Variants in DCDC2 observed in about 807,000 individuals in gnomAD.
The protein encoded by DCDC2 is doublecortin domain containing 2, also known as doublecortin domain-containing protein 2.
A neutral mutation model predicts 50.2 loss-of-function variants in DCDC2; 40 were observed. The observed-to-expected ratio is 0.80, with a 90% CI of 0.62 to 1.04. DCDC2 has a LOEUF of 1.04. Ranked by LOEUF, DCDC2 falls within the 50% of genes least tolerant of loss-of-function variation. The pLI is 0.00. For synonymous variants in DCDC2, 234 were observed against 210.6 expected (o/e 1.11, Z -0.96); for missense variants, 570 against 581.9 (o/e 0.98, Z 0.21).
rs371756735 is a variant in DCDC2 at position 24,216,006 on chromosome 6, G to A, written c.923-10904C>T. On this transcript the variant is annotated intron_variant, in intron 7 of 9. Transcript: ENST00000378454. ...CAGTGTTATTCATCAAGACTGGCCA[G>A]ACGACAGAAGGAAGGGGATGGGGGT... Among the ~76,000 whole-genome samples the A allele has an allele frequency of 8.8e-4, 134 of 152,298 alleles. No individual in the cohort carries two copies. The South Asian group carries it at 0.026, about 30-fold the overall frequency.
At chr6:24,296,182 TTCCATCTG>T (rs1431692735) in intron 4 of DCDC2, among the ~76,000 whole-genome samples, 1 of 151,988 alleles carries the variant, frequency 6.6e-6, no homozygotes, top group Non-Finnish European at 1.5e-5. Flanking sequence ...GTACACCTAC[TTCCATCTG>T]TTCTTCGACA....
rs1760817044 is a variant in DCDC2, at chr6:24,172,989, A to AATAATAATAAT, written c.*1740_*1741insATTATTATTAT. ...GACAAGAGCAAGACTTCATCTCAAAAAATAATAATAATAATAATAATAATA... is the reference window on the plus strand; with the variant it reads ...GACAAGAGCAAGACTTCATCTCAAAAATAATAATAATAATAATAATAATAATAATAATAATA... On this transcript the variant is annotated 3_prime_UTR_variant, in exon 10 of 10. Coordinates refer to ENST00000378454, the MANE Select transcript of DCDC2 (RefSeq NM_016356.5). 2.7e-5 allele frequency: 4 copies of AATAATAATAAT among 145,938 alleles called. No individual in the cohort carries two copies. Among genetic ancestry groups the AATAATAATAAT allele is most frequent in the African/African-American group, 5.0e-5 (2 of 39,856 alleles). 9.0% of individuals were successfully genotyped at this position (145,938 alleles called of 1,614,324 possible). A position where few individuals can be genotyped will look rare whatever the true frequency, so the allele number is the denominator to read the frequency against.
chr6:24,292,894 G>A (rs1202579864), intron 4 of DCDC2, among the ~76,000 whole-genome samples: 1 of 152,200 alleles, frequency 6.6e-6, no homozygotes, highest in East Asian at 1.9e-4. Flanking sequence ...ATGGTTTCAG[G>A]CACTGCCAAA....
chr6:24,368,687 G>GAAA, the DCDC2 span, among the ~76,000 whole-genome samples: 1 of 148,594 alleles, frequency 6.7e-6, no homozygotes. Context: ...GGCTCAGACA[G>GAAA]AAAAAAAAAA....
intron 2 of DCDC2, among the ~76,000 whole-genome samples, chr6:24,304,645 T>C (rs1413841490): frequency 6.6e-6 from 1 of 152,222 alleles, no homozygotes; most frequent in Non-Finnish European, 1.5e-5. Flanking sequence ...AAAGATAGTC[T>C]GTACATACAC....
intron 2 of DCDC2, among the ~76,000 whole-genome samples, chr6:24,328,682 C>T (rs951421215): frequency 1.2e-4 from 18 of 152,140 alleles, no homozygotes; most frequent in African/African-American, 4.1e-4. Context: ...ACTGATTTTT[C>T]GAAAACCACC....
At chr6:24,319,287 GTT>G (rs61360886) in intron 2 of DCDC2, among the ~76,000 whole-genome samples, 11,574 of 148,516 alleles carry the variant, frequency 0.078, 694 homozygotes, top group East Asian at 0.34. Context: ...TATTTGTGGG[GTT>G]TTTTTTTTTC....
chr6:24,353,778 TA>T lies in DCDC2; in HGVS notation c.294-156del, dbSNP rs199582728. ...TACTAATGAAAAGCAATTACAATAG[TA>T]AAAACTGTTTGCAGTGTCACCAACC... On this transcript the variant is annotated intron_variant, in intron 1 of 9. Coordinates refer to ENST00000378454, the MANE Select transcript of DCDC2 (RefSeq NM_016356.5). Among the ~76,000 whole-genome samples, 3,853 of 152,260 alleles carry T rather than the reference TA, an allele frequency of 0.025. 127 individuals carry two copies. The highest frequency in any genetic ancestry group is 0.028 in the Non-Finnish European group (1,906 of 68,000).
intron 8 of DCDC2, among the ~76,000 whole-genome samples, chr6:24,180,637 C>A (rs751527024): frequency 2.0e-4 from 31 of 151,896 alleles, no homozygotes; most frequent in Non-Finnish European, 3.8e-4. Flanking sequence ...GTGTTAAGAT[C>A]TCATTATTGC....
At chr6:24,286,059 G>A (rs1763602978) in intron 6 of DCDC2, among the ~76,000 whole-genome samples, 2 of 152,120 alleles carry the variant, frequency 1.3e-5, no homozygotes, top group African/African-American at 4.8e-5. Flanking sequence ...CTCTGATATT[G>A]TTTTCACCTC....
chr6:24,330,463 A>C (rs1561777427), intron 2 of DCDC2, among the ~76,000 whole-genome samples: 1 of 152,166 alleles, frequency 6.6e-6, no homozygotes, highest in Non-Finnish European at 1.5e-5. Context: ...CTTTGCTCTA[A>C]AAAGTCATTT....
intron 2 of DCDC2, among the ~76,000 whole-genome samples, chr6:24,308,573 G>C (rs1759514633): frequency 6.6e-6 from 1 of 152,076 alleles, no homozygotes; most frequent in Admixed American, 6.5e-5. Flanking sequence ...TAGAAAACAT[G>C]ACGACCCGTT....
At position 24,271,490 on chromosome 6, in the gene DCDC2, C is replaced by T. The variant is rs549504392; in HGVS notation, c.922+6559G>A. The stretch of plus-strand genomic sequence containing the variant: ...GAGGATCACGCTAATAGAAGAACCT[C>T]CGCCCACACCTCAGTGTCCCCACCC... On this transcript the variant is annotated intron_variant, in intron 7 of 9. Coordinates refer to ENST00000378454, the MANE Select transcript of DCDC2 (RefSeq NM_016356.5). Among the ~76,000 whole-genome samples, 27 of 152,218 alleles carry T rather than the reference C, an allele frequency of 1.8e-4. No individual in the cohort carries two copies. In the South Asian group the frequency reaches 4.8e-3, roughly 27 times the overall value.
intron 6 of DCDC2, among the ~76,000 whole-genome samples, chr6:24,282,323 A>AC (rs1323647025): frequency 6.6e-6 from 1 of 151,870 alleles, no homozygotes; most frequent in African/African-American, 2.4e-5. Context: ...GCTCACTGCA[A>AC]CCTCCGCCTC....
chr6:24,184,742 G>A (rs1203402647), intron 8 of DCDC2, among the ~76,000 whole-genome samples: 1 of 152,170 alleles, frequency 6.6e-6, no homozygotes, highest in East Asian at 1.9e-4. Flanking sequence ...AGTACTAATG[G>A]CCAATAGGAA....
At chr6:24,176,881 G>C (rs537100496) in intron 9 of DCDC2, among the ~76,000 whole-genome samples, 1 of 152,212 alleles carries the variant, frequency 6.6e-6, no homozygotes, top group East Asian at 1.9e-4. Context: ...TCTTTGGTTG[G>C]CTAATTTCAC....
intron 7 of DCDC2, among the ~76,000 whole-genome samples, chr6:24,255,332 T>C (rs60537291): frequency 0.099 from 14,460 of 146,042 alleles, 850 homozygotes; most frequent in East Asian, 0.17. Flanking sequence ...ACTTTAACAG[T>C]AGAAGGTAAA....
At chr6:24,236,137 A>T (rs1762435879) in intron 7 of DCDC2, among the ~76,000 whole-genome samples, 1 of 152,216 alleles carries the variant, frequency 6.6e-6, no homozygotes, top group Non-Finnish European at 1.5e-5. Context: ...TAGCCAAAGC[A>T]ATCCTAAGAA....
At chr6:24,287,322 G>C (rs530610887) in intron 6 of DCDC2, among the ~76,000 whole-genome samples, 2 of 151,618 alleles carry the variant, frequency 1.3e-5, no homozygotes, top group South Asian at 2.1e-4. Context: ...TGCTCAGTAG[G>C]AGCCTTTGTT....
Sources: gnomAD v4.1 joint callset for allele counts (sites outside exome capture counted in the v4.1 genomes callset) on GRCh38, gnomAD v4.1.1 for gene constraint, MANE v1.5 for transcripts, NCBI Gene and HGNC (gene_info 2026-07-23, HGNC 2026-07-21) for gene names.